FER: variants seen among roughly 807,000 people sequenced by gnomAD.
FER encodes the protein tyrosine-protein kinase Fer.
A neutral mutation model predicts 111.0 loss-of-function variants in FER; 63 were observed. The ratio of observed to expected loss-of-function variants is 0.57; its 90% CI spans 0.46 to 0.70. The LOEUF is 0.70. Among genes scored for constraint, FER ranks in the 30% least tolerant of loss-of-function variants. The pLI is 0.00. For synonymous variants in FER, 327 were observed against 313.9 expected (o/e 1.04, Z -0.44); for missense variants, 914 against 954.0 (o/e 0.96, Z 0.55).
intron 10 of FER, among the ~76,000 whole-genome samples, chr5:108,932,116 C>T (rs985318270): frequency 2.0e-5 from 3 of 152,012 alleles, no homozygotes; most frequent in Admixed American, 6.6e-5. Context: ...TGGTTTGCTG[C>T]ACCCATCAAC....
At chr5:109,046,520 T>G (rs1313743955) in intron 15 of FER, among the ~76,000 whole-genome samples, 2 of 152,184 alleles carry the variant, frequency 1.3e-5, no homozygotes, top group Non-Finnish European at 2.9e-5. Context: ...GAGTAGATAA[T>G]AATTTTTAAA....
intron 10 of FER, among the ~76,000 whole-genome samples, chr5:108,929,776 AG>A (rs894713924): frequency 1.5e-4 from 23 of 152,286 alleles, no homozygotes; most frequent in African/African-American, 5.5e-4. Flanking sequence ...TTAAAATATC[AG>A]GGGAAAAACG....
chr5:109,182,704 C>T (rs780846623), intron 18 of FER, among the ~76,000 whole-genome samples: 5 of 152,180 alleles, frequency 3.3e-5, no homozygotes, highest in African/African-American at 1.2e-4. Context: ...AAGTAAAATT[C>T]TGCCTCTTGA....
intron 3 of FER, chr5:108,819,743 G>A (rs1758650572): frequency 3.1e-6 from 3 of 963,968 alleles, no homozygotes; most frequent in Admixed American, 6.2e-5. Flanking sequence ...ATGTGAGAGA[G>A]AAAAAAAGCA....
At chr5:109,187,329 T>C in intron 19 of FER, 104 bp from the exon 20 acceptor site, 1 of 1,205,000 alleles carries the variant, frequency 8.3e-7, no homozygotes, top group Admixed American at 2.4e-5. Flanking sequence ...TCCATATAAC[T>C]ACAACATAAG....
In FER at chr5:109,052,042, A is replaced by T. The variant is rs572653094; in HGVS notation, c.1924+4844A>T. ...CATTTTCACCTTACCATGCTCTTCA[A>T]TACCATACTTGAACTTCTTTATCTC... is the stretch of plus-strand genomic sequence containing the variant. On this transcript the variant is annotated intron_variant, in intron 16 of 19. Coordinates refer to ENST00000281092, the MANE Select transcript of FER (RefSeq NM_005246.4). 5 of 1,599,078 alleles carry T rather than the reference A, an allele frequency of 3.1e-6. No individual in the cohort carries two copies. The South Asian group carries it at 4.4e-5, about 14-fold the overall frequency.
At position 109,158,302 on chromosome 5, in the gene FER, G is replaced by C. The variant is rs185422671; in HGVS notation, c.2049-22445G>C. On this transcript the variant is annotated intron_variant, in intron 17 of 19. Coordinates refer to ENST00000281092, the MANE Select transcript of FER (RefSeq NM_005246.4). ...GGGGTCAGAAGTCGGGGTCGGGGCAGTTGAGGTAGATGAATCACCTGAACC... is the reference window on the plus strand; with the variant it reads ...GGGGTCAGAAGTCGGGGTCGGGGCACTTGAGGTAGATGAATCACCTGAACC... 2.6e-5 allele frequency among the ~76,000 whole-genome samples: 4 copies of C among 152,200 alleles called. No homozygotes were observed. In the East Asian group the frequency reaches 7.8e-4, roughly 30 times the overall value.
chr5:109,061,837 A>T (rs147145538), intron 16 of FER, among the ~76,000 whole-genome samples: 333 of 152,354 alleles, frequency 2.2e-3, no homozygotes, highest in African/African-American at 7.4e-3. Flanking sequence ...AAAATGTATT[A>T]TGCAGAGATT....
chr5:109,125,041 GTC>G (rs1751529035), intron 17 of FER, among the ~76,000 whole-genome samples: 1 of 105,882 alleles, frequency 9.4e-6, no homozygotes, highest in Admixed American at 1.0e-4. Flanking sequence ...GTGAGACTCT[GTC>G]TCAAAAAAAA....
chr5:109,003,383 G>A (rs188298079), intron 13 of FER, among the ~76,000 whole-genome samples: 1,593 of 152,142 alleles, frequency 0.01, 24 homozygotes, highest in African/African-American at 0.036. Context: ...ACCAAACACC[G>A]CATGTTCTCA....
chr5:108,820,232 A>G, intron 3 of FER: 1 of 985,422 alleles, frequency 1.0e-6, no homozygotes, highest in African/African-American at 1.7e-5. Context: ...AAAGTCAAGG[A>G]GTTTGTGAGG....
At chr5:108,821,620 C>G (rs1178987555) in intron 3 of FER, among the ~76,000 whole-genome samples, 2 of 151,848 alleles carry the variant, frequency 1.3e-5, no homozygotes, top group African/African-American at 4.8e-5. Context: ...AAAATTTTAG[C>G]CATTATTCTT....
At chr5:108,844,045 T>TATGTGTGTGAACATATATGCGTGTGAAC (rs1408718764) in intron 5 of FER, among the ~76,000 whole-genome samples, 5 of 96,204 alleles carry the variant, frequency 5.2e-5, no homozygotes, top group African/African-American at 2.2e-4. Context: ...TGTGAACATA[T>TATGTGTGTGAACATATATGCGTGTGAAC]ATATGTGTGT....
intron 1 of FER, among the ~76,000 whole-genome samples, chr5:108,749,863 A>G (rs562725769): frequency 1.3e-3 from 198 of 152,280 alleles, no homozygotes; most frequent in African/African-American, 4.2e-3. Context: ...GGTAGGGGCA[A>G]GGTACTTCTT....
intron 16 of FER, among the ~76,000 whole-genome samples, chr5:109,070,867 C>T (rs906307801): frequency 6.6e-6 from 1 of 151,802 alleles, no homozygotes; most frequent in South Asian, 2.1e-4. Context: ...TTTTGTAATA[C>T]AAACATGATT....
intron 2 of FER, among the ~76,000 whole-genome samples, chr5:108,789,836 C>T (rs936298216): frequency 3.9e-5 from 6 of 152,078 alleles, no homozygotes; most frequent in African/African-American, 1.4e-4. Context: ...CTCCTGACCT[C>T]AAGTGATCCA....
chr5:108,947,658 C>T (rs1757163388), intron 11 of FER, among the ~76,000 whole-genome samples: 1 of 151,030 alleles, frequency 6.6e-6, no homozygotes, highest in Non-Finnish European at 1.5e-5. Context: ...TGTTAATGTC[C>T]TTTAACACAC....
chr5:109,098,529 C>G (rs573427656), intron 16 of FER, among the ~76,000 whole-genome samples: 3 of 151,572 alleles, frequency 2.0e-5, no homozygotes, highest in African/African-American at 7.3e-5. Context: ...GAAGGGTACA[C>G]GTTTTCTAAA....
At chr5:108,753,719 G>GT in intron 1 of FER, among the ~76,000 whole-genome samples, 1 of 152,280 alleles carries the variant, frequency 6.6e-6, no homozygotes, top group East Asian at 1.9e-4. Context: ...TTAAGGAGCA[G>GT]TATTTTACAG....
Sources: allele counts gnomAD v4.1 joint callset (sites outside exome capture counted in the v4.1 genomes callset), GRCh38; gene constraint gnomAD v4.1.1; transcripts MANE v1.5; gene names NCBI Gene and HGNC (gene_info 2026-07-23, HGNC 2026-07-21).